The following PDGFRB variants were observed in gnomAD, a reference collection of about 807,000 sequenced individuals.
PDGFRB encodes the protein platelet derived growth factor receptor beta.
A neutral mutation model predicts 120.2 loss-of-function variants in PDGFRB; 42 were observed. That is an observed-to-expected ratio of 0.35 (90% CI 0.27 to 0.45). The LOEUF (loss-of-function observed/expected upper bound fraction) is 0.45, where lower values mean the gene tolerates loss of function less well. PDGFRB is among the 20% of genes least tolerant of loss of function. The pLI is 1.00. For missense variants in PDGFRB, 1,149 were observed against 1,476.3 expected, an observed-to-expected ratio of 0.78 and a Z score of 3.63; for synonymous variants, 586 against 606.8, an observed-to-expected ratio of 0.97 and a Z score of 0.50.
chr5:150,117,879 A>C, intron 21 of PDGFRB, 29 bp from the exon 22 acceptor site: 2 of 1,360,100 alleles, frequency 1.5e-6, no homozygotes, highest in Non-Finnish European at 2.1e-6. Flanking sequence ...GAACCAAAGA[A>C]ACAGGGATGG....
At chr5:150,122,163 C>G in intron 15 of PDGFRB, 123 bp from the exon 16 acceptor site, 1 of 737,338 alleles carries the variant, frequency 1.4e-6, no homozygotes, top group East Asian at 2.7e-5. Context: ...TCAGTCTATC[C>G]CAGTAGGAAA....
Position 150,120,512 on chromosome 5 carries a change from A to G in PDGFRB, c.2586+376T>C, listed in dbSNP as rs1299075718. 6.6e-6 allele frequency among the ~76,000 whole-genome samples: 1 copy of G among 152,110 alleles called. No individual in the cohort carries two copies. The highest frequency in any genetic ancestry group is 2.1e-4 in the South Asian group (1 of 4,826). ...AGTGGGGAGATGAGAGACAGGCAGG[A>G]TGATCACGTTTTAACCAGACCAATC... On this transcript the variant is annotated intron_variant, in intron 18 of 22. Coordinates refer to ENST00000261799, the MANE Select transcript of PDGFRB (RefSeq NM_002609.4). The surrounding 1 kb of genome is among the most constrained non-coding windows in gnomAD (Gnocchi z 4.3).
chr5:150,127,279 C>T (rs537796774), intron 10 of PDGFRB, among the ~76,000 whole-genome samples: 1 of 152,298 alleles, frequency 6.6e-6, no homozygotes, highest in South Asian at 2.1e-4. Flanking sequence ...CTTCGCTGTA[C>T]AGCTTCCCAC....
At position 150,115,766 on chromosome 5, in the gene PDGFRB, C is replaced by A. The variant is rs373320490; in HGVS notation, c.3318G>T (p.Leu1106=). ...APRAEAEDSF[L] The stretch of plus-strand genomic sequence containing the variant: ...GGGCAGGGTAGGGGCCAGCCCCCTA[C>A]AGGAAGCTATCCTCTGCTTCCGCCC... The change falls in exon 23 of 23, where the codon CTG becomes CTT. Residue 1106 remains leucine (L), a synonymous_variant. Transcript: ENST00000261799. 6.3e-7 allele frequency: 1 copy of A among 1,599,294 alleles called. No homozygotes were observed. The highest frequency in any genetic ancestry group is 1.1e-5 in the South Asian group (1 of 89,378).
chr5:150,148,314 G>T (rs984665014), intron 1 of PDGFRB, among the ~76,000 whole-genome samples: 1 of 152,234 alleles, frequency 6.6e-6, no homozygotes. Context: ...GCCTACAGTA[G>T]GTGCTCAGTA....
In PDGFRB at chr5:150,130,608, G is replaced by C. The variant is rs773179772; in HGVS notation, c.1298C>G (p.Thr433Arg). ...CATGCCCCGGCCACGACAGCGGACT[G>C]TCTGTTCCCCACTGTCAGGGTGGCT... is the stretch of plus-strand genomic sequence containing the variant. ...SESHPDSGEQ[T>R]VRCRGRGMPQ... The change falls in exon 9 of 23, where the codon ACA becomes AGA. Residue 433 changes from threonine (T) to arginine (R), a missense_variant. By Grantham distance (71) the Thr-to-Arg change is moderately conservative. Coordinates refer to ENST00000261799, the MANE Select transcript of PDGFRB (RefSeq NM_002609.4). 3.4e-5 allele frequency: 55 copies of C among 1,612,588 alleles called. No homozygotes were observed. The highest frequency in any genetic ancestry group is 6.7e-5 in the East Asian group (3 of 44,866).
rs3822324 is a variant in PDGFRB at position 150,118,101 on chromosome 5, C to T, written c.2905-251G>A. 4.3e-4 allele frequency among the ~76,000 whole-genome samples: 66 copies of T among 152,234 alleles called. No homozygotes were observed. In the East Asian group the frequency reaches 0.012, roughly 28 times the overall value. On this transcript the variant is annotated intron_variant, in intron 21 of 22. Transcript: ENST00000261799. Reference sequence around the variant, plus strand: ...CCAGCACCCAGGACTCTAACTCTTCCCCCACTTCAGAGCAGACAGGCACAG... The same window carrying T: ...CCAGCACCCAGGACTCTAACTCTTCTCCCACTTCAGAGCAGACAGGCACAG...
intron 10 of PDGFRB, 34 bp from the exon 11 acceptor site, chr5:150,126,648 A>T (rs1254775659): frequency 2.6e-6 from 3 of 1,138,912 alleles, no homozygotes; most frequent in Admixed American, 3.4e-5. Context: ...CCATGAGCAA[A>T]CTGGGCAGCT....
intron 20 of PDGFRB, among the ~76,000 whole-genome samples, 179 bp from the exon 21 acceptor site, chr5:150,119,031 C>T (rs983558980): frequency 1.3e-5 from 2 of 152,162 alleles, no homozygotes; most frequent in Non-Finnish European, 2.9e-5. Flanking sequence ...GGGAGGCCCT[C>T]GCAGAGCCCC....
Position 150,129,729 on chromosome 5 carries a change from T to G in PDGFRB, c.1579+28A>C, listed in dbSNP as rs764495009. 107 of 1,580,556 alleles carry G rather than the reference T, an allele frequency of 6.8e-5. No homozygotes were observed. In the East Asian group the frequency reaches 2.3e-3, roughly 34 times the overall value. On this transcript the variant is annotated intron_variant, in intron 10 of 22. Coordinates refer to ENST00000261799, the MANE Select transcript of PDGFRB (RefSeq NM_002609.4). ...AGGATTAAGGTAGGGATTGGGATCG[T>G]CAGGGGCCACTGAGGCTGGGGACTC...
rs1447687981 is a variant in PDGFRB, at chr5:150,132,755, C to G, written c.1122G>C (p.Glu374Asp). ...EIALSTRNVS[E>D]TRYVSELTLV... is the part of the protein sequence containing the mutation. ...TGGGAGAGCGAGCTGCTCACCGGGT[C>G]TCCGACACGTTGCGCGTGGACAGGG... The change falls in exon 7 of 23, where the codon GAG becomes GAC. Residue 374 changes from glutamate to aspartate, a missense_variant. Glu to Asp is a conservative substitution (Grantham distance 45). Around this residue, in one of 3 missense-constraint regions of PDGFRB, gnomAD observed 879 missense variants for 1,108.6 expected, o/e 0.79. Transcript: ENST00000261799. This position sits in a 1 kb window ranked among gnomAD's most constrained non-coding sequence, Gnocchi z 5.0. 6.2e-7 allele frequency: 1 copy of G among 1,612,612 alleles called. No individual in the cohort carries two copies. The highest frequency in any genetic ancestry group is 8.5e-7 in the Non-Finnish European group (1 of 1,179,456).
chr5:150,132,182 G>T lies in PDGFRB; in HGVS notation c.1128-88C>A, dbSNP rs1580807267. 2.8e-6 allele frequency: 2 copies of T among 715,848 alleles called. No homozygotes were observed. Among genetic ancestry groups the T allele is most frequent in the Non-Finnish European group, 4.9e-6 (2 of 406,898 alleles). The allele number at this position is 715,848 out of a possible 1,614,324, so 44.3% of individuals were successfully genotyped here. ...TGGTATAAAGAGGAACAAGGCCCAG[G>T]GAGGGGAAGGGCTTGCCAAGGTCAT... On this transcript the variant is annotated intron_variant, in intron 7 of 22. Transcript: ENST00000261799. This position sits in a 1 kb window ranked among gnomAD's most constrained non-coding sequence, Gnocchi z 5.0.
At chr5:150,133,839 G>T (rs370113497) in intron 5 of PDGFRB, 42 bp downstream of exon 5, 1 of 1,612,942 alleles carries the variant, frequency 6.2e-7, no homozygotes, top group Admixed American at 1.7e-5. Context: ...ATATCCACCC[G>T]TTCCTGGCCC....
At chr5:150,148,009 G>C (rs1453210205) in intron 1 of PDGFRB, among the ~76,000 whole-genome samples, 4 of 152,254 alleles carry the variant, frequency 2.6e-5, no homozygotes, top group Non-Finnish European at 5.9e-5. Context: ...TAAATGAGAC[G>C]GTGCAAGAAG....
At chr5:150,150,255 C>T (rs1392833463) in intron 1 of PDGFRB, among the ~76,000 whole-genome samples, 2 of 152,184 alleles carry the variant, frequency 1.3e-5, no homozygotes, top group African/African-American at 2.4e-5. Context: ...CCAGGCTCAG[C>T]GTCATCACCA....
rs1447483078 is a variant in PDGFRB, at chr5:150,115,334, T to A, written c.*429A>T. 1 of 234,378 alleles carries A rather than the reference T, an allele frequency of 4.3e-6. No individual in the cohort carries two copies. The highest frequency in any genetic ancestry group is 8.4e-6 in the Non-Finnish European group (1 of 119,052). The allele number at this position is 234,378 out of a possible 1,614,324, so 14.5% of individuals were successfully genotyped here. ...GTGGATAAAAGTGCGAGGAGAGAGC[T>A]ATGATTCCTTGAGGGGTAGCTGGCT... On this transcript the variant is annotated 3_prime_UTR_variant, in exon 23 of 23. Transcript: ENST00000261799.
intron 1 of PDGFRB, among the ~76,000 whole-genome samples, chr5:150,142,739 T>G (rs930527464): frequency 6.6e-6 from 1 of 152,170 alleles, no homozygotes; most frequent in African/African-American, 2.4e-5. Flanking sequence ...TACATACCTA[T>G]TATAAAGTTT....
At chr5:150,117,536 GCGCGCGCGCACACACA>G (rs1326895885) in intron 22 of PDGFRB, 66 bp downstream of exon 22, 2,326 of 675,466 alleles carry the variant, frequency 3.4e-3, no homozygotes, top group Non-Finnish European at 4.2e-3. Flanking sequence ...CAGCGCGCGC[GCGCGCGCGCACACACA>G]CACACACACA....
At chr5:150,118,113 G>A (rs1167394933) in intron 21 of PDGFRB, among the ~76,000 whole-genome samples, 1 of 152,180 alleles carries the variant, frequency 6.6e-6, no homozygotes, top group African/African-American at 2.4e-5. Context: ...CCACTTCAGA[G>A]CAGACAGGCA....
Sources: allele counts gnomAD v4.1 joint callset (sites outside exome capture counted in the v4.1 genomes callset), GRCh38; gene constraint gnomAD v4.1.1; regional missense constraint gnomAD v4.1.1; non-coding constraint Gnocchi (gnomAD v3.1); transcripts MANE v1.5; gene names NCBI Gene and HGNC (gene_info 2026-07-23, HGNC 2026-07-21).